FGF13: variants seen among roughly 807,000 people sequenced by gnomAD.
FGF13 encodes the protein fibroblast growth factor homologous factor 2.
FGF13 carries 2 observed loss-of-function variants against 19.5 expected under a neutral mutation model. That is an observed-to-expected ratio of 0.10 (90% confidence interval 0.04 to 0.32). FGF13 has a LOEUF of 0.32. Ranked by LOEUF, FGF13 falls within the 10% of genes least tolerant of loss-of-function variation. The pLI is 1.00. For synonymous variants in FGF13, 72 were observed against 76.9 expected, an observed-to-expected ratio of 0.94 and a Z score of 0.33; for missense variants, 113 against 192.7, an observed-to-expected ratio of 0.59 and a Z score of 2.45.
intron 1 of FGF13, among the ~76,000 whole-genome samples, chrX:139,197,876 C>T (rs2084385464): frequency 9.4e-6 from 1 of 106,845 alleles, no homozygotes; most frequent in Non-Finnish European, 1.9e-5. Flanking sequence ...TGCCTGTAAT[C>T]CCAGCTACTA....
chrX:139,123,765 G>A (rs1042580033), intron 1 of FGF13, among the ~76,000 whole-genome samples: 2 of 112,328 alleles, frequency 1.8e-5, no homozygotes, highest in Non-Finnish European at 3.8e-5. Flanking sequence ...GAATAACAAT[G>A]TGTTGAATAA....
At chrX:139,195,753 C>T (rs771613089) in intron 1 of FGF13, among the ~76,000 whole-genome samples, 1 of 112,396 alleles carries the variant, frequency 8.9e-6, no homozygotes, top group African/African-American at 3.2e-5. Flanking sequence ...TTGTTCAAGG[C>T]GTTGTGTCTC....
chrX:138,997,044 G>C (rs750537096), intron 1 of FGF13, among the ~76,000 whole-genome samples: 1 of 112,317 alleles, frequency 8.9e-6, no homozygotes, highest in South Asian at 3.7e-4. Context: ...AAACAGGGTT[G>C]GGAGTGGACC....
At position 138,731,791 on chromosome X, in the gene FGF13, AAAAG is replaced by A. The variant is rs755994615; in HGVS notation, c.28+7447_28+7450del. Among the ~76,000 whole-genome samples the A allele has an allele frequency of 1.6e-3, 172 of 110,806 alleles. 1 individual carries two copies. The highest frequency in any genetic ancestry group is 2.2e-3 in the Non-Finnish European group (116 of 52,623). On this transcript the variant is annotated intron_variant, in intron 1 of 4. Coordinates refer to the FGF13 transcript ENST00000305414. Reference sequence around the variant, plus strand: ...TAAACCGCTAGCAAGATAGACCAAGAAAAGAGAGAAAAAAATGAATCATTAATAT... The same window carrying A: ...TAAACCGCTAGCAAGATAGACCAAGAAGAGAAAAAAATGAATCATTAATAT...
At chrX:138,654,317 G>A (rs1320317395) in intron 3 of FGF13, among the ~76,000 whole-genome samples, 1 of 112,214 alleles carries the variant, frequency 8.9e-6, no homozygotes, top group Non-Finnish European at 1.9e-5. Flanking sequence ...CAATTACTTC[G>A]TGCCTGAATA....
chrX:138,995,116 C>G (rs2092036031), intron 1 of FGF13, among the ~76,000 whole-genome samples: 1 of 110,593 alleles, frequency 9.0e-6, no homozygotes, highest in African/African-American at 3.3e-5. Context: ...ACCCCTCCCC[C>G]ATCCCCTAGC....
intron 3 of FGF13, among the ~76,000 whole-genome samples, chrX:138,841,993 T>C (rs1424357454): frequency 8.9e-6 from 1 of 111,849 alleles, no homozygotes; most frequent in East Asian, 2.8e-4. Flanking sequence ...AATAGTTAGC[T>C]TGAATGTTCT....
chrX:138,999,959 C>T (rs1332518696), intron 1 of FGF13, among the ~76,000 whole-genome samples: 1 of 111,903 alleles, frequency 8.9e-6, no homozygotes, highest in African/African-American at 3.3e-5. Context: ...AAACTGAATC[C>T]AGCAGCACAT....
chrX:139,137,355 C>T (rs1037503062), intron 1 of FGF13, among the ~76,000 whole-genome samples: 7 of 112,205 alleles, frequency 6.2e-5, no homozygotes, highest in African/African-American at 1.9e-4. Context: ...ACTTGTAGAA[C>T]ACATACCAAC....
intron 1 of FGF13, among the ~76,000 whole-genome samples, chrX:139,196,374 T>C (rs1450206456): frequency 1.8e-5 from 2 of 111,724 alleles, no homozygotes; most frequent in Non-Finnish European, 3.8e-5. Context: ...TTCAAGAGGA[T>C]GGCCAAGTGA....
chrX:138,688,048 C>T (rs753522986), intron 3 of FGF13, among the ~76,000 whole-genome samples: 4 of 109,141 alleles, frequency 3.7e-5, no homozygotes, highest in African/African-American at 6.7e-5. Context: ...CTCCACCTCC[C>T]GGGTTCAAGT....
chrX:138,679,904 C>T (rs773577206), intron 3 of FGF13, among the ~76,000 whole-genome samples: 14 of 112,155 alleles, frequency 1.2e-4, no homozygotes, highest in Admixed American at 1.9e-4. Context: ...ACTTTACCCA[C>T]GGAAAAACTT....
At position 138,929,235 on chromosome X, in the gene FGF13, C is replaced by CTGTGTG. The variant is rs10622697; in HGVS notation, c.-112-64591_-112-64586dup. ...TGTGTGAAAGCAGAAGAGGAAAACT[C>CTGTGTG]TGTGTGTGTGTGTGTGTGTGTGTGT... On this transcript the variant is annotated intron_variant, in intron 1 of 2. Coordinates refer to the FGF13 transcript ENST00000421460. Among the ~76,000 whole-genome samples, 178 of 97,779 alleles carry CTGTGTG rather than the reference C, an allele frequency of 1.8e-3. 1 individual carries two copies. The highest frequency in any genetic ancestry group is 0.011 in the Middle Eastern group (2 of 190). 84.9% of individuals were successfully genotyped at this position (97,779 alleles called of 115,157 possible).
chrX:138,890,366 C>T (rs760322300), intron 1 of FGF13, among the ~76,000 whole-genome samples: 43 of 111,771 alleles, frequency 3.8e-4, no homozygotes, highest in Non-Finnish European at 6.0e-4. Context: ...AGTGATAGTG[C>T]TTCTCTTTCC....
chrX:138,619,530 T>C lies in FGF13; in HGVS notation c.*13320A>G, dbSNP rs2088997617. 1.8e-5 allele frequency: 2 copies of C among 110,867 alleles called. No homozygotes were observed. The highest frequency in any genetic ancestry group is 3.3e-5 in the African/African-American group (1 of 30,434). The allele number at this position is 110,867 out of a possible 1,213,427, so 9.1% of individuals were successfully genotyped here. ...AAGACAGAAACTATCACAGTGAACA[T>C]GCAACCTACAGAGTGGGAGAAAATT... On this transcript the variant is annotated 3_prime_UTR_variant, in exon 5 of 5. Coordinates refer to ENST00000315930, the MANE Select transcript of FGF13 (RefSeq NM_004114.5).
chrX:139,008,044 C>T (rs1281029514), intron 1 of FGF13, among the ~76,000 whole-genome samples: 2 of 112,552 alleles, frequency 1.8e-5, no homozygotes, highest in African/African-American at 6.5e-5. Flanking sequence ...CCCCACTTCT[C>T]TGGTGAACTG....
At chrX:139,110,848 T>C (rs1175023449) in intron 1 of FGF13, among the ~76,000 whole-genome samples, 1 of 111,132 alleles carries the variant, frequency 9.0e-6, no homozygotes, top group African/African-American at 3.3e-5. Flanking sequence ...CTTCTTCCCC[T>C]TGGACTGCGG....
chrX:139,119,331 G>C (rs752714920), intron 1 of FGF13, among the ~76,000 whole-genome samples: 1 of 112,439 alleles, frequency 8.9e-6, no homozygotes, highest in African/African-American at 3.2e-5. Flanking sequence ...ATGAGGCTTA[G>C]TAGTAATTCG....
intron 1 of FGF13, among the ~76,000 whole-genome samples, chrX:138,886,469 A>AT (rs375899412): frequency 3.2e-3 from 364 of 112,369 alleles, no homozygotes; most frequent in African/African-American, 0.011. Flanking sequence ...TTACTAACTG[A>AT]TTCATTTCAA....
Sources: gnomAD v4.1 joint callset for allele counts (sites outside exome capture counted in the v4.1 genomes callset) on GRCh38, gnomAD v4.1.1 for gene constraint, MANE v1.5 for transcripts, NCBI Gene and HGNC (gene_info 2026-07-23, HGNC 2026-07-21) for gene names.